Variants in CDH23 observed in about 807,000 individuals in gnomAD.
The protein encoded by CDH23 is cadherin related 23, also known as cadherin-23.
Under a neutral mutation model 317.1 loss-of-function variants are expected in CDH23, and 189 were observed. The observed-to-expected ratio is 0.60, with a 90% CI of 0.53 to 0.67. The LOEUF (loss-of-function observed/expected upper bound fraction) is 0.67. CDH23 is among the 30% of genes least tolerant of loss of function. CDH23 has a pLI of 0.00. For synonymous variants in CDH23, 1,839 were observed against 1,876.8 expected (o/e 0.98, Z 0.52); for missense variants, 4,401 against 4,592.4 (o/e 0.96, Z 1.20).
intron 41 of CDH23, among the ~76,000 whole-genome samples, chr10:71,780,269 G>C (rs1005220264): frequency 2.0e-5 from 3 of 152,200 alleles, no homozygotes; most frequent in Non-Finnish European, 2.9e-5. Context: ...CCCGTAGAAC[G>C]TACGTTCCAG....
At chr10:71,402,955 A>T (rs1322599663) in intron 1 of CDH23, among the ~76,000 whole-genome samples, 1 of 152,034 alleles carries the variant, frequency 6.6e-6, no homozygotes, top group Non-Finnish European at 1.5e-5. Flanking sequence ...TCTCTACTAA[A>T]AATACAGAAA....
chr10:71,646,791 C>T, intron 14 of CDH23, 174 bp downstream of exon 14: 1 of 1,551,884 alleles, frequency 6.4e-7, no homozygotes, highest in Non-Finnish European at 8.7e-7. Flanking sequence ...CAGGAAGGGG[C>T]TCCCTTGACC....
chr10:71,511,537 A>G (rs1460208370), intron 6 of CDH23, among the ~76,000 whole-genome samples: 1 of 125,916 alleles, frequency 7.9e-6, no homozygotes, highest in Non-Finnish European at 1.6e-5. Context: ...TCGTATCCAA[A>G]TGTGGGCCTG....
Position 71,814,872 on chromosome 10 carries a change from G to T in CDH23, c.9739-80G>T. 4.1e-6 allele frequency: 6 copies of T among 1,457,620 alleles called. No individual in the cohort carries two copies. The South Asian group carries it at 8.3e-5, about 20-fold the overall frequency. 90.3% of individuals were successfully genotyped at this position (1,457,620 alleles called of 1,614,324 possible). ...TAGGAGCCCAAGGTTCAGCCACATAGCCAGTGGGTCTCTGGGGCCATCCAC... is the reference window on the plus strand; with the variant it reads ...TAGGAGCCCAAGGTTCAGCCACATATCCAGTGGGTCTCTGGGGCCATCCAC... On this transcript the variant is annotated intron_variant, in intron 69 of 69. Coordinates refer to ENST00000224721, the MANE Select transcript of CDH23 (RefSeq NM_022124.6).
chr10:71,406,425 C>T (rs1267113806), intron 1 of CDH23, among the ~76,000 whole-genome samples: 1 of 152,182 alleles, frequency 6.6e-6, no homozygotes, highest in Non-Finnish European at 1.5e-5. Context: ...TGCAAACTTT[C>T]CATGCTGTCT....
chr10:71,796,149 A>G, intron 48 of CDH23: 1 of 951,942 alleles, frequency 1.1e-6, no homozygotes, highest in Non-Finnish European at 1.3e-6. Context: ...GCCAAGGGGG[A>G]AGGGAATCTC....
rs1865091781 is a variant in CDH23, at chr10:71,689,218, A to AGTCAGGGGTGGTGGAGCCAGGGT, written c.2060-1250_2060-1249insGTCAGGGGTGGTGGAGCCAGGGT. On this transcript the variant is annotated intron_variant, in intron 19 of 69. Coordinates refer to ENST00000224721, the MANE Select transcript of CDH23 (RefSeq NM_022124.6). Reference sequence around the variant, plus strand: ...GGAGCCAGGGTTGGTGGAGTCAGGGATGGTGGAGTCAGTATGGTGGAGTCA... The same window carrying AGTCAGGGGTGGTGGAGCCAGGGT: ...GGAGCCAGGGTTGGTGGAGTCAGGGAGTCAGGGGTGGTGGAGCCAGGGTTGGTGGAGTCAGTATGGTGGAGTCA... Among the ~76,000 whole-genome samples, 5 of 90,860 alleles carry AGTCAGGGGTGGTGGAGCCAGGGT rather than the reference A, an allele frequency of 5.5e-5. 1 individual carries two copies. In the South Asian group the frequency reaches 1.2e-3, roughly 22 times the overall value. The allele number at this position is 90,860 out of a possible 152,430, so 59.6% of individuals were successfully genotyped here. A position where few individuals can be genotyped will look rare whatever the true frequency, so the allele number is the denominator to read the frequency against.
chr10:71,674,618 A>G (rs1864280567), intron 14 of CDH23, among the ~76,000 whole-genome samples: 1 of 152,198 alleles, frequency 6.6e-6, no homozygotes, highest in Non-Finnish European at 1.5e-5. Flanking sequence ...CAGCCCTGTG[A>G]GGTAGGTACT....
chr10:71,646,629 C>T lies in CDH23; in HGVS notation c.1449+12C>T, dbSNP rs1447159809. The T allele has an allele frequency of 6.2e-7, 1 of 1,614,044 alleles. No individual in the cohort carries two copies. Among genetic ancestry groups the T allele is most frequent in the South Asian group, 1.1e-5 (1 of 91,090 alleles). ...TGCTGACAGTCCTGGTGAGTCCCCG[C>T]TTCACTGCAGGGCCACTGAGCTCTC... is the stretch of plus-strand genomic sequence containing the variant. On this transcript the variant is annotated intron_variant, in intron 14 of 69. Coordinates refer to ENST00000224721, the MANE Select transcript of CDH23 (RefSeq NM_022124.6).
At chr10:71,547,741 A>C (rs552248738) in intron 6 of CDH23, among the ~76,000 whole-genome samples, 5 of 152,150 alleles carry the variant, frequency 3.3e-5, no homozygotes, top group Non-Finnish European at 5.9e-5. Flanking sequence ...GTGCAGAGGG[A>C]ATGTATTGAC....
intron 38 of CDH23, chr10:71,747,446 A>G (rs1035798508): frequency 6.6e-6 from 1 of 152,314 alleles, no homozygotes; most frequent in African/African-American, 2.4e-5. Context: ...GCACAAGTTC[A>G]TCTCCCAGAG....
chr10:71,453,114 C>G (rs552608536), intron 3 of CDH23, among the ~76,000 whole-genome samples: 1 of 152,300 alleles, frequency 6.6e-6, no homozygotes, highest in South Asian at 2.1e-4. Context: ...ACCACCAGCA[C>G]CCCAAAAGCA....
At chr10:71,735,609 A>G (rs1839541524) in intron 34 of CDH23, among the ~76,000 whole-genome samples, 1 of 152,218 alleles carries the variant, frequency 6.6e-6, no homozygotes, top group African/African-American at 2.4e-5. Context: ...TTACAGCCAC[A>G]TTGCCACGCC....
intron 34 of CDH23, among the ~76,000 whole-genome samples, chr10:71,737,500 A>G (rs1255325987): frequency 6.6e-6 from 1 of 152,218 alleles, no homozygotes; most frequent in Non-Finnish European, 1.5e-5. Flanking sequence ...CCTGTATAGA[A>G]GGAAGAATGA....
intron 6 of CDH23, among the ~76,000 whole-genome samples, chr10:71,529,336 C>CA (rs1227569820): frequency 6.6e-6 from 1 of 152,162 alleles, no homozygotes; most frequent in Non-Finnish European, 1.5e-5. Context: ...TGGCAACAGC[C>CA]AGTTCTGGAG....
At chr10:71,404,089 C>A (rs1431370554) in intron 1 of CDH23, among the ~76,000 whole-genome samples, 1 of 152,096 alleles carries the variant, frequency 6.6e-6, no homozygotes, top group Non-Finnish European at 1.5e-5. Context: ...AAGACCCTGT[C>A]TCAAAAAAAT....
intron 1 of CDH23, among the ~76,000 whole-genome samples, chr10:71,426,123 T>C (rs1243325767): frequency 6.6e-6 from 1 of 152,260 alleles, no homozygotes; most frequent in African/African-American, 2.4e-5. Flanking sequence ...CCGGTGGAAG[T>C]TGAACAGGCG....
Position 71,777,747 on chromosome 10 carries a change from A to G in CDH23, c.4913A>G (p.His1638Arg). Residue 1638 changes from histidine (H) to arginine (R), a missense_variant, in exon 39 of 70, where the codon CAC becomes CGC. By Grantham distance (29) the His-to-Arg change is conservative (BLOSUM62 0). This residue lies in a region of CDH23 where 3,068 missense variants were observed against 3,203.3 expected (regional missense o/e 0.96). Transcript: ENST00000224721. ...AACGCGCCCATGTTCCAGCAGCCCC[A>G]CTATGAGGTGCTGCTGGATGAGGGC... Reference protein sequence around the residue: ...NDNAPMFQQPHYEVLLDEGPD... With the variant: ...NDNAPMFQQPRYEVLLDEGPD... The G allele has an allele frequency of 1.2e-6, 2 of 1,613,700 alleles. No homozygotes were observed. Among genetic ancestry groups the G allele is most frequent in the East Asian group, 2.2e-5 (1 of 44,866 alleles).
At chr10:71,655,720 T>C (rs1217959930) in intron 14 of CDH23, among the ~76,000 whole-genome samples, 1 of 152,000 alleles carries the variant, frequency 6.6e-6, no homozygotes, top group African/African-American at 2.4e-5. Context: ...CTTTGGTGTC[T>C]GGGGTGGTCT....
Sources: allele counts gnomAD v4.1 joint callset (sites outside exome capture counted in the v4.1 genomes callset), GRCh38; gene constraint gnomAD v4.1.1; regional missense constraint gnomAD v4.1.1; transcripts MANE v1.5; gene names NCBI Gene and HGNC (gene_info 2026-07-23, HGNC 2026-07-21).